The following SORCS2 variants were observed in gnomAD, a reference collection of about 807,000 sequenced individuals.
SORCS2 encodes sortilin related VPS10 domain containing receptor 2.
Under a neutral mutation model 141.6 loss-of-function variants are expected in SORCS2, and 100 were observed. The ratio of observed to expected loss-of-function variants is 0.71; its 90% confidence interval spans 0.60 to 0.83. The LOEUF (loss-of-function observed/expected upper bound fraction) is 0.83. SORCS2 is among the 40% of genes least tolerant of loss of function. The pLI is 0.00. For missense variants in SORCS2, 1,646 were observed against 1,560.2 expected, an observed-to-expected ratio of 1.05 and a Z score of -0.93; for synonymous variants, 789 against 676.9, an observed-to-expected ratio of 1.17 and a Z score of -2.57.
chr4:7,549,059 G>A (rs1039282867), intron 3 of SORCS2, among the ~76,000 whole-genome samples: 2 of 152,092 alleles, frequency 1.3e-5, no homozygotes, highest in Non-Finnish European at 2.9e-5. Context: ...AGGAGTCAGG[G>A]AAGGAGGGTT....
In SORCS2 at chr4:7,283,035, CCATT is replaced by C. The variant is rs948871902; in HGVS notation, c.480+89916_480+89919del. The stretch of plus-strand genomic sequence containing the variant: ...TTCACCCATTCACTCATTTATTCAT[CCATT>C]CATTCACTCATTCATTCACCCATTC... On this transcript the variant is annotated intron_variant, in intron 1 of 26. Coordinates refer to ENST00000507866, the MANE Select transcript of SORCS2 (RefSeq NM_020777.3). Among the ~76,000 whole-genome samples, 14 of 143,016 alleles carry C rather than the reference CCATT, an allele frequency of 9.8e-5. No individual in the cohort carries two copies. In the East Asian group the frequency reaches 1.3e-3, roughly 14 times the overall value. The allele number at this position is 143,016 out of a possible 152,430, so 93.8% of individuals were successfully genotyped here.
chr4:7,252,741 C>T (rs191667450), intron 1 of SORCS2, among the ~76,000 whole-genome samples: 26 of 152,342 alleles, frequency 1.7e-4, no homozygotes, highest in African/African-American at 6.0e-4. Flanking sequence ...AGGACTGTTG[C>T]AGGCATGGAG....
chr4:7,216,994 G>T (rs1728397045), intron 1 of SORCS2, among the ~76,000 whole-genome samples: 1 of 152,238 alleles, frequency 6.6e-6, no homozygotes, highest in Non-Finnish European at 1.5e-5. Flanking sequence ...CTGTGTGGCG[G>T]TTCCCGTGGC....
intron 2 of SORCS2, among the ~76,000 whole-genome samples, chr4:7,519,693 A>G (rs1226735269): frequency 6.6e-6 from 1 of 152,202 alleles, no homozygotes; most frequent in Admixed American, 6.5e-5. Flanking sequence ...CTGCTTCCTT[A>G]GCCAGCACTG....
intron 1 of SORCS2, among the ~76,000 whole-genome samples, chr4:7,227,914 C>T (rs572903389): frequency 2.6e-5 from 4 of 152,206 alleles, no homozygotes; most frequent in Admixed American, 6.5e-5. Flanking sequence ...GCATGGACAC[C>T]TGCTTTCTCC....
At chr4:7,635,212 G>A (rs1258163047) in intron 3 of SORCS2, among the ~76,000 whole-genome samples, 2 of 152,194 alleles carry the variant, frequency 1.3e-5, no homozygotes, top group African/African-American at 4.8e-5. Context: ...GCCCCATCCT[G>A]CGTGGGTGCA....
At chr4:7,487,661 T>TAGC (rs1318773788) in intron 2 of SORCS2, among the ~76,000 whole-genome samples, 4 of 152,224 alleles carry the variant, frequency 2.6e-5, no homozygotes, top group African/African-American at 9.6e-5. Flanking sequence ...TAGACTCACG[T>TAGC]AGCGGTGATA....
rs371867792 is a variant in SORCS2 at position 7,740,236 on chromosome 4, G to A, written c.3452G>A (p.Arg1151Gln). 1.3e-5 allele frequency: 21 copies of A among 1,609,778 alleles called. No homozygotes were observed. The highest frequency in any genetic ancestry group is 4.5e-5 in the East Asian group (2 of 44,862). ...GGCGTGGTCCTGAGCATCAACTCCC[G>A]AGAGATGCACAGCTACCTGGTGAGC... ...HSGVVLSINS[R>Q]EMHSYLVS Residue 1151 changes from arginine (R) to glutamine (Q), a missense_variant, in exon 27 of 27, where the codon CGA becomes CAA. Transcript: ENST00000507866.
intron 3 of SORCS2, among the ~76,000 whole-genome samples, chr4:7,550,473 C>T (rs1238344278): frequency 2.0e-5 from 3 of 152,144 alleles, no homozygotes; most frequent in African/African-American, 4.8e-5. Context: ...TGGTGGTGAT[C>T]GGCAGACACC....
At chr4:7,362,853 TCATCACCACCAC>T (rs1236034392) in intron 1 of SORCS2, among the ~76,000 whole-genome samples, 1 of 150,848 alleles carries the variant, frequency 6.6e-6, no homozygotes, top group Non-Finnish European at 1.5e-5. Flanking sequence ...ATTATCACCA[TCATCACCACCAC>T]CATCACCAAC....
At chr4:7,658,232 T>G (rs1721931108) in intron 5 of SORCS2, among the ~76,000 whole-genome samples, 1 of 151,782 alleles carries the variant, frequency 6.6e-6, no homozygotes, top group Non-Finnish European at 1.5e-5. Context: ...AGTAAGTGAA[T>G]GAGTGACTGA....
intron 18 of SORCS2, among the ~76,000 whole-genome samples, chr4:7,720,989 G>A (rs1726549145): frequency 6.6e-6 from 1 of 152,192 alleles, no homozygotes; most frequent in Non-Finnish European, 1.5e-5. Flanking sequence ...ACTCATGGCG[G>A]TCATATCAGA....
At chr4:7,474,938 C>CCCCCAGTCACTGTCTCCATCTT in intron 2 of SORCS2, among the ~76,000 whole-genome samples, 1 of 152,116 alleles carries the variant, frequency 6.6e-6, no homozygotes, top group South Asian at 2.1e-4. Context: ...ACAGACTCCT[C>CCCCCAGTCACTGTCTCCATCTT]CCCCAGTCAC....
intron 1 of SORCS2, among the ~76,000 whole-genome samples, chr4:7,361,572 C>G (rs1271390944): frequency 1.3e-5 from 2 of 152,098 alleles, no homozygotes; most frequent in Admixed American, 6.5e-5. Flanking sequence ...TTATCATAAT[C>G]CCTGGGAGTC....
chr4:7,233,382 C>T lies in SORCS2; in HGVS notation c.480+40256C>T, dbSNP rs1384829443. 1.3e-5 allele frequency among the ~76,000 whole-genome samples: 2 copies of T among 152,198 alleles called. No homozygotes were observed. The highest frequency in any genetic ancestry group is 2.1e-4 in the South Asian group (1 of 4,826). On this transcript the variant is annotated intron_variant, in intron 1 of 26. Coordinates refer to ENST00000507866, the MANE Select transcript of SORCS2 (RefSeq NM_020777.3). The surrounding 1 kb of genome is among the most constrained non-coding windows in gnomAD (Gnocchi z 4.5). Reference sequence around the variant, plus strand: ...CGCTGAGCACCTGCTCCAGGGCAGACGTAGCCCTCATCACGTCCTCCACAG... The same window carrying T: ...CGCTGAGCACCTGCTCCAGGGCAGATGTAGCCCTCATCACGTCCTCCACAG...
intron 3 of SORCS2, among the ~76,000 whole-genome samples, chr4:7,630,889 C>T (rs1430927210): frequency 1.3e-5 from 2 of 152,056 alleles, no homozygotes; most frequent in African/African-American, 2.4e-5. Flanking sequence ...ATCCAAATGA[C>T]ACCAATCCTT....
chr4:7,198,225 C>G (rs937586195), intron 1 of SORCS2, among the ~76,000 whole-genome samples: 7 of 152,132 alleles, frequency 4.6e-5, no homozygotes, highest in Admixed American at 3.3e-4. Flanking sequence ...GCTCTGCAGG[C>G]CTCTCTGTCC....
chr4:7,545,725 G>C (rs1713206733), intron 3 of SORCS2, among the ~76,000 whole-genome samples: 1 of 152,236 alleles, frequency 6.6e-6, no homozygotes, highest in Non-Finnish European at 1.5e-5. Flanking sequence ...CCTGGTGTTT[G>C]TGGGCACCTG....
intron 4 of SORCS2, among the ~76,000 whole-genome samples, 161 bp downstream of exon 4, chr4:7,638,653 G>T (rs1036617771): frequency 6.6e-6 from 1 of 151,970 alleles, no homozygotes; most frequent in Non-Finnish European, 1.5e-5. Flanking sequence ...CCCCGTCATC[G>T]CCCTCTCCTT....
Sources: allele counts gnomAD v4.1 joint callset (sites outside exome capture counted in the v4.1 genomes callset), GRCh38; gene constraint gnomAD v4.1.1; non-coding constraint Gnocchi (gnomAD v3.1); transcripts MANE v1.5; gene names NCBI Gene and HGNC (gene_info 2026-07-23, HGNC 2026-07-21).